Variants in TENM1 observed in about 807,000 individuals in gnomAD.
TENM1 encodes teneurin-1.
TENM1 carries 35 observed loss-of-function variants against 174.8 expected under a neutral mutation model. The observed-to-expected ratio is 0.20, with a 90% confidence interval of 0.15 to 0.27. The LOEUF is 0.27. Ranked by LOEUF, TENM1 falls within the 10% of genes least tolerant of loss-of-function variation. The pLI is 1.00. For missense variants in TENM1, 1,633 were observed against 2,130.1 expected, an observed-to-expected ratio of 0.77 and a Z score of 4.59; for synonymous variants, 781 against 798.7, an observed-to-expected ratio of 0.98 and a Z score of 0.37.
intron 18 of TENM1, among the ~76,000 whole-genome samples, chrX:124,519,997 A>G (rs2047804554): frequency 8.9e-6 from 1 of 112,152 alleles, no homozygotes; most frequent in Non-Finnish European, 1.9e-5. Context: ...TGCTATCTAT[A>G]AGATTCTAGG....
chrX:124,581,454 A>AG (rs1283093292), intron 11 of TENM1, among the ~76,000 whole-genome samples: 1 of 115 alleles, frequency 8.7e-3, no homozygotes, highest in East Asian at 0.2. Flanking sequence ...TAGGCATCTA[A>AG]GTGATCTCAA....
intron 11 of TENM1, among the ~76,000 whole-genome samples, chrX:124,617,811 C>T (rs757506847): frequency 4.5e-5 from 5 of 111,092 alleles, no homozygotes; most frequent in South Asian, 3.8e-4. Flanking sequence ...CTTTTAGAGT[C>T]TATAAGAAAT....
chrX:124,750,485 A>G (rs1361402457), intron 3 of TENM1, among the ~76,000 whole-genome samples: 1 of 112,001 alleles, frequency 8.9e-6, no homozygotes, highest in African/African-American at 3.2e-5. Flanking sequence ...ACTTCTTTTT[A>G]GTGTTTTTAT....
chrX:124,688,335 C>T (rs1287744048), intron 5 of TENM1, among the ~76,000 whole-genome samples: 1 of 109,295 alleles, frequency 9.1e-6, no homozygotes, highest in African/African-American at 3.3e-5. Context: ...CTGCAACCTC[C>T]ACCTCCCAGG....
intron 3 of TENM1, among the ~76,000 whole-genome samples, chrX:124,856,356 C>T (rs983204712): frequency 9.0e-6 from 1 of 110,763 alleles, no homozygotes; most frequent in South Asian, 3.8e-4. Flanking sequence ...GATTAAAAGA[C>T]CTTAAACTAT....
In TENM1 at chrX:124,732,750, T is replaced by C. The variant is rs186762925; in HGVS notation, c.776+4207A>G. ...GTGGAGAAAAGACATCGTTATGAGA[T>C]AGTAGAAACTATGTGGTAGACAAAA... On this transcript the variant is annotated intron_variant, in intron 4 of 31. Transcript: ENST00000422452. 5.8e-4 allele frequency among the ~76,000 whole-genome samples: 65 copies of C among 111,712 alleles called. 1 individual carries two copies. The highest frequency in any genetic ancestry group is 1.5e-4 in the Non-Finnish European group (8 of 53,149).
chrX:124,871,964 C>T (rs747481604), intron 3 of TENM1, among the ~76,000 whole-genome samples: 2 of 102,675 alleles, frequency 1.9e-5, no homozygotes, highest in Admixed American at 1.1e-4. Flanking sequence ...CCCAGGAGGC[C>T]GAGGTTGCAG....
chrX:124,965,655 T>C (rs190229663), upstream of TENM1, among the ~76,000 whole-genome samples: 119 of 110,709 alleles, frequency 1.1e-3, 14 homozygotes, highest in East Asian at 7.7e-3. Context: ...ATATGAGAGA[T>C]GAGCATGCTT....
At chrX:125,074,914 A>G in the TENM1 span, among the ~76,000 whole-genome samples, 14 of 112,048 alleles carry the variant, frequency 1.2e-4, no homozygotes, top group African/African-American at 4.2e-4. Flanking sequence ...TAAACAACAA[A>G]AAAGCTACTG....
chrX:124,864,642 T>C (rs1230817544), intron 3 of TENM1, among the ~76,000 whole-genome samples: 1 of 111,198 alleles, frequency 9.0e-6, no homozygotes, highest in Non-Finnish European at 1.9e-5. Context: ...ATCTAAGAGT[T>C]ATTGGCCTTA....
chrX:124,974,157 T>C, the TENM1 span, among the ~76,000 whole-genome samples: 472 of 111,724 alleles, frequency 4.2e-3, 1 homozygote, highest in African/African-American at 0.014. Context: ...GGCATCAAAG[T>C]TGCTTTTACA....
At chrX:125,191,822 TA>T in the TENM1 span, among the ~76,000 whole-genome samples, 1 of 112,229 alleles carries the variant, frequency 8.9e-6, no homozygotes, top group African/African-American at 3.2e-5. Context: ...TGTTTAAACT[TA>T]ATGCCCAATG....
intron 1 of TENM1, among the ~76,000 whole-genome samples, chrX:124,945,989 G>A (rs936895210): frequency 3.6e-5 from 4 of 111,688 alleles, no homozygotes; most frequent in Non-Finnish European, 7.5e-5. Context: ...AAAGAGGGAG[G>A]CAGTCATGAA....
chrX:124,696,699 T>C (rs1394972116), intron 5 of TENM1, among the ~76,000 whole-genome samples: 1 of 111,756 alleles, frequency 8.9e-6, no homozygotes, highest in South Asian at 3.7e-4. Context: ...ATGATATATA[T>C]AAAAGACTGC....
the TENM1 span, among the ~76,000 whole-genome samples, chrX:125,174,784 C>A: frequency 9.0e-6 from 1 of 111,287 alleles, no homozygotes. Context: ...ATGCTGTTAA[C>A]AGTTAGTAAC....
At chrX:124,728,599 C>T (rs1039775100) in intron 4 of TENM1, among the ~76,000 whole-genome samples, 3 of 111,232 alleles carry the variant, frequency 2.7e-5, no homozygotes, top group African/African-American at 9.8e-5. Flanking sequence ...CTTCTACCTA[C>T]CTGAACACTT....
the TENM1 span, among the ~76,000 whole-genome samples, chrX:124,972,659 G>A: frequency 4.5e-5 from 5 of 112,163 alleles, no homozygotes; most frequent in African/African-American, 6.5e-5. Flanking sequence ...TTGGTTTCAC[G>A]TGGAAACAGC....
At chrX:125,025,774 T>G in the TENM1 span, among the ~76,000 whole-genome samples, 1 of 111,206 alleles carries the variant, frequency 9.0e-6, no homozygotes, top group Non-Finnish European at 1.9e-5. Flanking sequence ...AAAATGATAG[T>G]CCCAAACCCC....
At chrX:124,750,093 T>G (rs1012205932) in intron 3 of TENM1, among the ~76,000 whole-genome samples, 15 of 112,164 alleles carry the variant, frequency 1.3e-4, no homozygotes, top group African/African-American at 3.9e-4. Context: ...CTGCTACTGC[T>G]ACAACTATTA....
Sources: gnomAD v4.1 joint callset for allele counts (sites outside exome capture counted in the v4.1 genomes callset) on GRCh38, gnomAD v4.1.1 for gene constraint, MANE v1.5 for transcripts, NCBI Gene and HGNC (gene_info 2026-07-23, HGNC 2026-07-21) for gene names.